ERBB4: variants seen among roughly 807,000 people sequenced by gnomAD.
ERBB4 encodes the protein erb-b2 receptor tyrosine kinase 4.
Under a neutral mutation model 158.0 loss-of-function variants are expected in ERBB4, and 42 were observed. The ratio of observed to expected loss-of-function variants is 0.27; its 90% CI spans 0.21 to 0.34. The LOEUF (loss-of-function observed/expected upper bound fraction) is 0.34. ERBB4 is among the 10% of genes least tolerant of loss of function. The pLI is 1.00. For synonymous variants in ERBB4, 583 were observed against 558.7 expected, an observed-to-expected ratio of 1.04 and a Z score of -0.61; for missense variants, 1,333 against 1,624.1, an observed-to-expected ratio of 0.82 and a Z score of 3.08.
chr2:211,897,953 G>C (rs2079142723), intron 3 of ERBB4, among the ~76,000 whole-genome samples: 1 of 151,782 alleles, frequency 6.6e-6, no homozygotes, highest in Non-Finnish European at 1.5e-5. Flanking sequence ...TTATAGAGAA[G>C]GGGTCTCACT....
intron 1 of ERBB4, among the ~76,000 whole-genome samples, chr2:212,198,668 G>A (rs2082500338): frequency 6.6e-6 from 1 of 151,670 alleles, no homozygotes; most frequent in African/African-American, 2.4e-5. Flanking sequence ...TCTGCCTCCC[G>A]GGTTCAAGCG....
chr2:211,753,284 A>AT (rs2075189663), intron 4 of ERBB4, among the ~76,000 whole-genome samples: 1 of 151,812 alleles, frequency 6.6e-6, no homozygotes, highest in Non-Finnish European at 1.5e-5. Context: ...GCATAGAAAA[A>AT]AAAAAACAAA....
At chr2:212,325,827 G>T (rs560751695) in intron 1 of ERBB4, among the ~76,000 whole-genome samples, 1 of 150,478 alleles carries the variant, frequency 6.6e-6, no homozygotes, top group Non-Finnish European at 1.5e-5. Context: ...TTGGGTTGGG[G>T]GAGAGGTGTA....
chr2:212,149,013 T>G (rs1575706043), intron 1 of ERBB4, among the ~76,000 whole-genome samples: 2 of 107,472 alleles, frequency 1.9e-5, no homozygotes, highest in African/African-American at 3.6e-5. Context: ...TGGGGACTGT[T>G]GTGGGGTGGG....
At chr2:212,035,690 C>T (rs2076997256) in intron 2 of ERBB4, among the ~76,000 whole-genome samples, 1 of 152,176 alleles carries the variant, frequency 6.6e-6, no homozygotes, top group South Asian at 2.1e-4. Flanking sequence ...ATGTTAGCTA[C>T]TTGAGGGCAA....
At chr2:211,794,871 TTTC>T (rs1428049791) in intron 3 of ERBB4, among the ~76,000 whole-genome samples, 7 of 151,906 alleles carry the variant, frequency 4.6e-5, no homozygotes, top group African/African-American at 9.7e-5. Flanking sequence ...CTCCCTGTGT[TTTC>T]TTATTTCTGT....
In ERBB4 at chr2:211,747,290, G is replaced by A. The variant is rs554341290; in HGVS notation, c.622+3349C>T. ...GTAGGGGTGGAAGAGGCTTTCCTGT[G>A]CATTGCAGGGCATCATCTCTGGTCT... On this transcript the variant is annotated intron_variant, in intron 5 of 27. Coordinates refer to ENST00000342788, the MANE Select transcript of ERBB4 (RefSeq NM_005235.3). Among the ~76,000 whole-genome samples, 52 of 152,228 alleles carry A rather than the reference G, an allele frequency of 3.4e-4. 1 individual carries two copies. Among genetic ancestry groups the A allele is most frequent in the African/African-American group, 1.2e-3 (51 of 41,524 alleles).
intron 20 of ERBB4, among the ~76,000 whole-genome samples, chr2:211,443,574 C>T (rs955172090): frequency 5.9e-5 from 9 of 151,984 alleles, no homozygotes; most frequent in African/African-American, 4.8e-5. Flanking sequence ...GTTAAAAGCA[C>T]ATATCATAAA....
At chr2:212,123,743 A>G (rs2079832179) in intron 2 of ERBB4, among the ~76,000 whole-genome samples, 1 of 152,174 alleles carries the variant, frequency 6.6e-6, no homozygotes, top group Admixed American at 6.5e-5. Context: ...TACATTGAAA[A>G]TATTTAAATA....
intron 1 of ERBB4, among the ~76,000 whole-genome samples, chr2:212,458,003 A>G (rs1688385081): frequency 6.6e-6 from 1 of 152,070 alleles, no homozygotes; most frequent in Non-Finnish European, 1.5e-5. Context: ...TCACCAAATA[A>G]TGTTCTTCTA....
At chr2:212,535,693 G>A (rs1012475037) in intron 1 of ERBB4, among the ~76,000 whole-genome samples, 1 of 152,026 alleles carries the variant, frequency 6.6e-6, no homozygotes, top group Non-Finnish European at 1.5e-5. Context: ...AAGGGACTTT[G>A]GCTATATCTA....
intron 1 of ERBB4, among the ~76,000 whole-genome samples, chr2:212,439,155 A>C (rs575045962): frequency 1.3e-5 from 2 of 152,288 alleles, no homozygotes; most frequent in African/African-American, 4.8e-5. Context: ...TAGTGTGTAC[A>C]AGTCCTTGCT....
At chr2:211,828,783 C>T (rs2077158120) in intron 3 of ERBB4, among the ~76,000 whole-genome samples, 3 of 152,112 alleles carry the variant, frequency 2.0e-5, no homozygotes, top group Non-Finnish European at 4.4e-5. Flanking sequence ...TTACTTCTCA[C>T]CACTCCTGCA....
chr2:212,499,329 T>C (rs1690752677), intron 1 of ERBB4, among the ~76,000 whole-genome samples: 1 of 152,060 alleles, frequency 6.6e-6, no homozygotes, highest in Non-Finnish European at 1.5e-5. Context: ...GCTAAATCTC[T>C]GTGAATCCTT....
intron 2 of ERBB4, 109 bp downstream of exon 2, chr2:212,124,643 C>T (rs1046702198): frequency 9.5e-5 from 120 of 1,257,676 alleles, no homozygotes; most frequent in Non-Finnish European, 1.3e-4. Flanking sequence ...GTCACAGTGC[C>T]TGCCAGGCAG....
intron 3 of ERBB4, among the ~76,000 whole-genome samples, chr2:211,863,206 T>C (rs141907811): frequency 0.015 from 2,254 of 147,552 alleles, 78 homozygotes; most frequent in African/African-American, 0.058. Flanking sequence ...CACCAATCAG[T>C]GCTCTGTGTC....
chr2:211,434,178 T>C (rs2063801892), intron 20 of ERBB4, among the ~76,000 whole-genome samples: 1 of 152,176 alleles, frequency 6.6e-6, no homozygotes, highest in African/African-American at 2.4e-5. Flanking sequence ...CTTAAACTTA[T>C]GCAGGAAGAG....
At chr2:212,379,036 A>G (rs1423852073) in intron 1 of ERBB4, among the ~76,000 whole-genome samples, 1 of 151,796 alleles carries the variant, frequency 6.6e-6, no homozygotes, top group Admixed American at 6.6e-5. Context: ...ATCAAAGTCC[A>G]CTTTCATTTA....
intron 1 of ERBB4, among the ~76,000 whole-genome samples, chr2:212,253,717 T>A (rs2084623538): frequency 1.3e-5 from 2 of 152,148 alleles, no homozygotes; most frequent in African/African-American, 4.8e-5. Context: ...AATTTTTGGG[T>A]TGCCGTTAAA....
Sources: allele counts gnomAD v4.1 joint callset (sites outside exome capture counted in the v4.1 genomes callset), GRCh38; gene constraint gnomAD v4.1.1; transcripts MANE v1.5; gene names NCBI Gene and HGNC (gene_info 2026-07-23, HGNC 2026-07-21).